The following CSF2RA variants were observed in gnomAD, a reference collection of about 807,000 sequenced individuals.
CSF2RA encodes the protein granulocyte-macrophage colony-stimulating factor receptor subunit alpha.
A neutral mutation model predicts 51.6 loss-of-function variants in CSF2RA; 42 were observed. The observed-to-expected ratio is 0.81, with a 90% confidence interval of 0.64 to 1.05. CSF2RA has a LOEUF of 1.05. Ranked by LOEUF, CSF2RA falls within the 50% of genes least tolerant of loss-of-function variation. The pLI, the probability that CSF2RA is intolerant of heterozygous loss-of-function variation, is 0.00. For missense variants in CSF2RA, 530 were observed against 501.1 expected (o/e 1.06, Z -0.55); for synonymous variants, 222 against 193.0 (o/e 1.15, Z -1.24).
intron 2 of CSF2RA, among the ~76,000 whole-genome samples, chrX:1,278,840 C>G (rs1368916236): frequency 6.7e-6 from 1 of 149,880 alleles, no homozygotes; most frequent in East Asian, 2.0e-4. Context: ...AAGTTCGAGA[C>G]CAGCCTGGCC....
At chrX:1,300,936 C>A (rs1461522357) in intron 10 of CSF2RA, among the ~76,000 whole-genome samples, 2 of 151,408 alleles carry the variant, frequency 1.3e-5, no homozygotes, top group African/African-American at 4.9e-5. Flanking sequence ...GGCGGATCAC[C>A]GGAGGTCAGG....
downstream of CSF2RA, among the ~76,000 whole-genome samples, chrX:1,314,575 C>CAAAGGAAG (rs1569514955): frequency 3.3e-4 from 19 of 58,194 alleles, no homozygotes; most frequent in Non-Finnish European, 5.2e-4. Flanking sequence ...CCCACTGCAC[C>CAAAGGAAG]TGCCCAACCC....
At chrX:1,277,297 G>T (rs1421480072) in intron 2 of CSF2RA, among the ~76,000 whole-genome samples, 1 of 151,756 alleles carries the variant, frequency 6.6e-6, no homozygotes, top group Non-Finnish European at 1.5e-5. Context: ...TGGATCTCAC[G>T]CAAGAAAGAA....
chrX:1,308,281 G>T (rs1187378684), intron 12 of CSF2RA, among the ~76,000 whole-genome samples: 1 of 152,066 alleles, frequency 6.6e-6, no homozygotes, highest in Non-Finnish European at 1.5e-5. Flanking sequence ...AAGGCCAAGA[G>T]ATGAAAGAGA....
chrX:1,318,076 C>A, the CSF2RA span, among the ~76,000 whole-genome samples: 1 of 147,236 alleles, frequency 6.8e-6, no homozygotes, highest in Non-Finnish European at 1.5e-5. Context: ...GCAACCTCCA[C>A]TTCCCGGGTT....
chrX:1,270,598 G>T (rs2088251583), intron 1 of CSF2RA, among the ~76,000 whole-genome samples: 1 of 151,924 alleles, frequency 6.6e-6, no homozygotes, highest in African/African-American at 2.4e-5. Flanking sequence ...TTGTTCTGAA[G>T]ATATCAACAC....
chrX:1,278,692 A>AG (rs1569492794), intron 2 of CSF2RA, among the ~76,000 whole-genome samples: 1 of 140,242 alleles, frequency 7.1e-6, no homozygotes, highest in Admixed American at 7.3e-5. Flanking sequence ...TCTAAAAAAA[A>AG]AAAAAATTCA....
intron 10 of CSF2RA, among the ~76,000 whole-genome samples, chrX:1,302,464 T>C (rs1177899471): frequency 2.0e-5 from 3 of 152,080 alleles, no homozygotes; most frequent in African/African-American, 7.2e-5. Flanking sequence ...TCGTGTCTGG[T>C]GGGCCGGGGT....
intron 10 of CSF2RA, among the ~76,000 whole-genome samples, chrX:1,302,295 T>A (rs2083069723): frequency 6.6e-6 from 1 of 151,966 alleles, no homozygotes; most frequent in African/African-American, 2.4e-5. Context: ...TTTTGAGGGC[T>A]CCAAATTGAA....
chrX:1,282,918 C>T, intron 3 of CSF2RA, 139 bp downstream of exon 3: 1 of 807,158 alleles, frequency 1.2e-6, no homozygotes. Context: ...CCAGCCAACC[C>T]ACCAGAAGCT....
At chrX:1,304,717 T>A (rs1474320588) in intron 11 of CSF2RA, among the ~76,000 whole-genome samples, 9 of 151,954 alleles carry the variant, frequency 5.9e-5, no homozygotes, top group African/African-American at 2.2e-4. Flanking sequence ...CAGGCTGGAG[T>A]GCAGTGTTGC....
chrX:1,324,237 T>C, the CSF2RA span, among the ~76,000 whole-genome samples: 1 of 149,986 alleles, frequency 6.7e-6, no homozygotes, highest in Non-Finnish European at 1.5e-5. Flanking sequence ...TTCACGCCTG[T>C]AATCCCAGCA....
intron 12 of CSF2RA, 26 bp from the exon 13 acceptor site, chrX:1,309,376 A>T: frequency 6.2e-7 from 1 of 1,610,624 alleles, no homozygotes; most frequent in Non-Finnish European, 8.5e-7. Context: ...TGAAGATCTG[A>T]CAGCCTGAAC....
chrX:1,317,831 G>A, the CSF2RA span, among the ~76,000 whole-genome samples: 2 of 151,696 alleles, frequency 1.3e-5, no homozygotes, highest in Admixed American at 6.6e-5. Context: ...GTAAGAGATT[G>A]CTAGGAAGAT....
chrX:1,271,959 C>CTT (rs1187844662), intron 1 of CSF2RA, among the ~76,000 whole-genome samples: 1 of 141,248 alleles, frequency 7.1e-6, no homozygotes. Context: ...CTTTTTTTTT[C>CTT]TTTTTTTTTT....
At position 1,294,338 on chromosome X, in the gene CSF2RA, C is replaced by A. The variant is rs750191606; in HGVS notation, c.657C>A (p.Asn219Lys). 2 of 1,613,568 alleles carry A rather than the reference C, an allele frequency of 1.2e-6. No individual in the cohort carries two copies. Among genetic ancestry groups the A allele is most frequent in the Admixed American group, 1.7e-5 (1 of 59,990 alleles). Residue 219 changes from asparagine to lysine, a missense_variant, in exon 8 of 13, where the codon AAC (asparagine) becomes AAA (lysine). Physicochemically the swap from Asn to Lys is moderately conservative, Grantham distance 94 (BLOSUM62 0). Transcript: ENST00000381529. ...LLDTKKIERF[N>K]PPSNVTVRCN... ...GCGCCCTCGTTACAGAACGATTCAA[C>A]CCTCCCAGCAATGTCACCGTACGTT...
intron 12 of CSF2RA, among the ~76,000 whole-genome samples, chrX:1,308,320 C>A (rs1273930968): frequency 1.3e-5 from 2 of 151,818 alleles, no homozygotes; most frequent in African/African-American, 4.8e-5. Flanking sequence ...AAGAGGCAGA[C>A]ACACAGGAAG....
In CSF2RA at chrX:1,290,322, T is replaced by G; in HGVS notation, c.474-15T>G. 1 of 1,610,960 alleles carries G rather than the reference T, an allele frequency of 6.2e-7. No homozygotes were observed. The highest frequency in any genetic ancestry group is 1.1e-5 in the South Asian group (1 of 91,006). ...GTTTTCCTGATTGCTCTCTGAGCAC[T>G]TTCTAATCTTTCAGGAGAAGGAGGG... On this transcript the variant is annotated splice_polypyrimidine_tract_variant and intron_variant, in intron 6 of 12. Coordinates refer to ENST00000381529, the MANE Select transcript of CSF2RA (RefSeq NM_172245.4).
intron 12 of CSF2RA, among the ~76,000 whole-genome samples, chrX:1,307,136 T>TA (rs1276243588): frequency 6.6e-6 from 1 of 152,130 alleles, no homozygotes; most frequent in African/African-American, 2.4e-5. Context: ...TATGTTGCAG[T>TA]AGGCTGGCAG....
Sources: allele counts gnomAD v4.1 joint callset (sites outside exome capture counted in the v4.1 genomes callset), GRCh38; gene constraint gnomAD v4.1.1; transcripts MANE v1.5; gene names NCBI Gene and HGNC (gene_info 2026-07-23, HGNC 2026-07-21).